GPR39: variants seen among roughly 807,000 people sequenced by gnomAD.
GPR39 encodes the protein G protein-coupled receptor 39, also known as zinc sensing receptor.
Under a neutral mutation model 18.4 loss-of-function variants are expected in GPR39, and 23 were observed. The ratio of observed to expected loss-of-function variants is 1.25; its 90% CI spans 0.90 to 1.77. The LOEUF (loss-of-function observed/expected upper bound fraction) is 1.77, where lower values mean the gene tolerates loss of function less well. Ranked by LOEUF, GPR39 falls within the 40% of genes most tolerant of loss-of-function variation. GPR39 has a pLI of 0.00. For synonymous variants in GPR39, 280 were observed against 257.9 expected (o/e 1.09, Z -0.82); for missense variants, 647 against 602.4 (o/e 1.07, Z -0.78).
At chr2:132,477,597 AAG>A (rs1441717376) in intron 1 of GPR39, among the ~76,000 whole-genome samples, 1 of 152,132 alleles carries the variant, frequency 6.6e-6, no homozygotes, top group Non-Finnish European at 1.5e-5. Flanking sequence ...GTCTCAATCA[AAG>A]AGCCAAATCC....
chr2:132,547,836 A>G (rs1272259079), intron 1 of GPR39, among the ~76,000 whole-genome samples: 1 of 152,214 alleles, frequency 6.6e-6, no homozygotes, highest in African/African-American at 2.4e-5. Context: ...GGCACAGAAA[A>G]GACCTACTAG....
At chr2:132,466,294 C>T (rs1680926045) in intron 1 of GPR39, among the ~76,000 whole-genome samples, 1 of 152,192 alleles carries the variant, frequency 6.6e-6, no homozygotes, top group Non-Finnish European at 1.5e-5. Context: ...ATCATTTTCT[C>T]TTAGCAGAGT....
At chr2:132,578,128 TTGATA>T (rs1680560626) in intron 1 of GPR39, among the ~76,000 whole-genome samples, 1 of 149,832 alleles carries the variant, frequency 6.7e-6, no homozygotes, top group Non-Finnish European at 1.5e-5. Flanking sequence ...TCTGTAGCAA[TTGATA>T]TGATCACACG....
intron 1 of GPR39, among the ~76,000 whole-genome samples, chr2:132,459,791 T>A (rs2104776327): frequency 6.6e-6 from 1 of 152,312 alleles, no homozygotes; most frequent in East Asian, 1.9e-4. Flanking sequence ...GAACTGTGGG[T>A]AAGTGCCCTC....
chr2:132,438,534 T>C (rs1238443364), intron 1 of GPR39, among the ~76,000 whole-genome samples: 2 of 150,266 alleles, frequency 1.3e-5, no homozygotes, highest in African/African-American at 2.5e-5. Flanking sequence ...GGGCAATCCC[T>C]GTTTCTATAT....
intron 1 of GPR39, among the ~76,000 whole-genome samples, chr2:132,551,589 C>T (rs1048113332): frequency 1.3e-5 from 2 of 152,184 alleles, no homozygotes; most frequent in South Asian, 2.1e-4. Flanking sequence ...TCTGTCATCT[C>T]TTTATACCTT....
chr2:132,627,815 C>A (rs760152251), intron 1 of GPR39, among the ~76,000 whole-genome samples: 20 of 152,314 alleles, frequency 1.3e-4, no homozygotes, highest in Non-Finnish European at 2.5e-4. Flanking sequence ...AGCAGCTGCC[C>A]AGCTGGACAA....
intron 1 of GPR39, among the ~76,000 whole-genome samples, chr2:132,450,383 C>A (rs796091075): frequency 3.3e-5 from 5 of 152,330 alleles, no homozygotes; most frequent in African/African-American, 1.2e-4. Context: ...CCACTGGCAC[C>A]TACTTTGTAA....
intron 1 of GPR39, among the ~76,000 whole-genome samples, chr2:132,493,336 AC>A (rs1369659997): frequency 4.8e-5 from 7 of 144,900 alleles, no homozygotes; most frequent in Non-Finnish European, 1.1e-4. Context: ...TACCATATAT[AC>A]CATATATATA....
In GPR39 at chr2:132,521,768, A is replaced by T. The variant is rs538054942; in HGVS notation, c.856+103870A>T. Among the ~76,000 whole-genome samples the T allele has an allele frequency of 2.0e-5, 3 of 152,304 alleles. No individual in the cohort carries two copies. In the East Asian group the frequency reaches 5.8e-4, roughly 29 times the overall value. Reference sequence around the variant, plus strand: ...ACTGATTAGCAATTTGTATAGCAATAAAAGAAAACTGGCAGAATTCCATTG... The same window carrying T: ...ACTGATTAGCAATTTGTATAGCAATTAAAGAAAACTGGCAGAATTCCATTG... On this transcript the variant is annotated intron_variant, in intron 1 of 1. Coordinates refer to ENST00000329321, the MANE Select transcript of GPR39 (RefSeq NM_001508.3).
chr2:132,423,049 C>T (rs1680044844), intron 1 of GPR39, among the ~76,000 whole-genome samples: 1 of 151,922 alleles, frequency 6.6e-6, no homozygotes, highest in African/African-American at 2.4e-5. Context: ...TCAAGGAGCC[C>T]CTCTGGCTGT....
Position 132,535,136 on chromosome 2 carries a change from G to C in GPR39, c.857-109965G>C, listed in dbSNP as rs942669520. Among the ~76,000 whole-genome samples, 6 of 152,182 alleles carry C rather than the reference G, an allele frequency of 3.9e-5. 1 individual carries two copies. Among genetic ancestry groups the C allele is most frequent in the South Asian group, 2.1e-4 (1 of 4,812 alleles). On this transcript the variant is annotated intron_variant, in intron 1 of 1. Coordinates refer to ENST00000329321, the MANE Select transcript of GPR39 (RefSeq NM_001508.3). ...TGTTGAGTAGGAGTGGTGAGAGAAG[G>C]CATCCTTGTCTTGTGCTGGTTTTCA...
chr2:132,527,681 C>G (rs867236820), intron 1 of GPR39, among the ~76,000 whole-genome samples: 18 of 152,348 alleles, frequency 1.2e-4, no homozygotes, highest in African/African-American at 3.4e-4. Context: ...TTGCATTTCT[C>G]TAATGATCAG....
intron 1 of GPR39, among the ~76,000 whole-genome samples, chr2:132,441,483 C>T (rs975924829): frequency 2.0e-5 from 3 of 151,936 alleles, no homozygotes; most frequent in Admixed American, 1.3e-4. Context: ...ACTTTGAATC[C>T]CCTTCAAGTC....
intron 1 of GPR39, among the ~76,000 whole-genome samples, chr2:132,443,452 A>G (rs1210946658): frequency 6.6e-6 from 1 of 152,228 alleles, no homozygotes; most frequent in East Asian, 1.9e-4. Flanking sequence ...TCAGTATTCA[A>G]TAAATTACAT....
intron 1 of GPR39, among the ~76,000 whole-genome samples, chr2:132,619,333 C>A (rs1367541757): frequency 6.6e-6 from 1 of 152,120 alleles, no homozygotes; most frequent in African/African-American, 2.4e-5. Context: ...GGGTAAGGGC[C>A]CTCGCAACAG....
intron 1 of GPR39, chr2:132,606,249 T>G (rs1231517445): frequency 6.6e-6 from 1 of 152,284 alleles, no homozygotes; most frequent in Non-Finnish European, 1.5e-5. Flanking sequence ...TTATTGAGCC[T>G]CTCTGTGCCT....
chr2:132,485,356 G>A (rs1050628095), intron 1 of GPR39, among the ~76,000 whole-genome samples: 1 of 149,820 alleles, frequency 6.7e-6, no homozygotes, highest in Non-Finnish European at 1.5e-5. Context: ...GTTGCTGACA[G>A]TTAGGGTAGT....
At chr2:132,595,115 C>T (rs1222549643) in intron 1 of GPR39, among the ~76,000 whole-genome samples, 3 of 152,164 alleles carry the variant, frequency 2.0e-5, no homozygotes, top group Non-Finnish European at 4.4e-5. Context: ...TCTCCTGCCT[C>T]AGCCTCCTGA....
Sources: gnomAD v4.1 joint callset for allele counts (sites outside exome capture counted in the v4.1 genomes callset) on GRCh38, gnomAD v4.1.1 for gene constraint, MANE v1.5 for transcripts, NCBI Gene and HGNC (gene_info 2026-07-23, HGNC 2026-07-21) for gene names.